COBL: variants seen among roughly 807,000 people sequenced by gnomAD.
COBL encodes the protein cordon-bleu WH2 repeat protein.
A neutral mutation model predicts 98.8 loss-of-function variants in COBL; 51 were observed. The observed-to-expected ratio is 0.52, with a 90% CI of 0.41 to 0.65. COBL has a LOEUF of 0.65. Among genes scored for constraint, COBL ranks in the 30% least tolerant of loss-of-function variants. The pLI is 0.00. For synonymous variants in COBL, 634 were observed against 651.7 expected (o/e 0.97, Z 0.41); for missense variants, 1,617 against 1,617.5 (o/e 1.00, Z 0.01).
chr7:51,139,599 C>A (rs1799549849), intron 5 of COBL, among the ~76,000 whole-genome samples: 1 of 152,232 alleles, frequency 6.6e-6, no homozygotes, highest in Admixed American at 6.5e-5. Flanking sequence ...ACCAGACCCT[C>A]TTCTCAGTTC....
chr7:51,126,307 A>T (rs911648311), intron 6 of COBL, among the ~76,000 whole-genome samples: 2 of 152,086 alleles, frequency 1.3e-5, no homozygotes, highest in African/African-American at 2.4e-5. Context: ...CAGCCTGGGC[A>T]ACAGAGCGAG....
intron 6 of COBL, among the ~76,000 whole-genome samples, chr7:51,088,005 C>A (rs1401877882): frequency 1.3e-5 from 2 of 152,050 alleles, no homozygotes; most frequent in Non-Finnish European, 2.9e-5. Flanking sequence ...TAGTTTGGAA[C>A]TGTTCAGCTG....
Position 51,164,531 on chromosome 7 carries a change from T to C in COBL, c.783+19571A>G, listed in dbSNP as rs369339546. ...ATAGTATATTCGGCGAAAATATCCT[T>C]CGGACATAAAGGAGAAATAAAGACT... On this transcript the variant is annotated intron_variant, in intron 5 of 12. Transcript: ENST00000265136. Among the ~76,000 whole-genome samples the C allele has an allele frequency of 3.4e-4, 52 of 152,272 alleles. No homozygotes were observed. In the East Asian group the frequency reaches 8.7e-3, roughly 25 times the overall value.
chr7:51,310,445 G>A (rs971947386), intron 1 of COBL, among the ~76,000 whole-genome samples: 2 of 152,184 alleles, frequency 1.3e-5, no homozygotes, highest in African/African-American at 4.8e-5. Context: ...TAACAAATAA[G>A]CAGAGGGCAT....
rs1334933832 is a variant in COBL at position 51,028,302 on chromosome 7, G to C, written c.2794C>G (p.Pro932Ala). ...TQGWKDGAQW[P>A]CVTPPNNHGE... is the part of the protein sequence containing the mutation. ...TGGTTGTTGGGAGGAGTGACACAGG[G>C]CCACTGGGCACCATCCTTCCATCCT... Residue 932 changes from proline to alanine, a missense_variant, in exon 10 of 13, where the codon CCC becomes GCC. Pro to Ala is a conservative substitution (Grantham distance 27). Around this residue, in one of 3 missense-constraint regions of COBL, gnomAD observed 1,304 missense variants for 1,282.0 expected, o/e 1.02. Transcript: ENST00000265136. The C allele has an allele frequency of 1.2e-6, 2 of 1,614,222 alleles. No individual in the cohort carries two copies. The highest frequency in any genetic ancestry group is 1.7e-6 in the Non-Finnish European group (2 of 1,180,036).
chr7:51,043,317 A>G, intron 8 of COBL, 66 bp downstream of exon 8: 1 of 1,500,328 alleles, frequency 6.7e-7, no homozygotes, highest in Non-Finnish European at 9.1e-7. Context: ...CCATGACAAA[A>G]GACCCTCTTT....
chr7:51,103,189 T>C (rs1795961537), intron 6 of COBL, among the ~76,000 whole-genome samples: 1 of 152,204 alleles, frequency 6.6e-6, no homozygotes, highest in Non-Finnish European at 1.5e-5. Context: ...TCAATGACCA[T>C]GCTTGTTTTT....
At chr7:51,159,955 C>T (rs1276757552) in intron 5 of COBL, among the ~76,000 whole-genome samples, 1 of 152,228 alleles carries the variant, frequency 6.6e-6, no homozygotes, top group Admixed American at 6.5e-5. Flanking sequence ...TGCAATGGCA[C>T]GATCTCAGCT....
At chr7:51,190,632 A>G (rs909854910) in intron 4 of COBL, among the ~76,000 whole-genome samples, 5 of 152,160 alleles carry the variant, frequency 3.3e-5, no homozygotes, top group African/African-American at 1.2e-4. Flanking sequence ...GATAAAGGAC[A>G]TGTTCAGGGC....
chr7:51,050,924 T>A (rs1324286322), intron 7 of COBL, among the ~76,000 whole-genome samples: 1 of 152,244 alleles, frequency 6.6e-6, no homozygotes, highest in Non-Finnish European at 1.5e-5. Flanking sequence ...CATATATCTA[T>A]GTAACATTAT....
chr7:51,145,911 T>G (rs1321079522), intron 5 of COBL, among the ~76,000 whole-genome samples: 1 of 152,192 alleles, frequency 6.6e-6, no homozygotes. Flanking sequence ...TCTTTCCGTT[T>G]GTTTACTCCC....
At chr7:51,059,063 G>C (rs1292840658) in intron 7 of COBL, among the ~76,000 whole-genome samples, 4 of 152,192 alleles carry the variant, frequency 2.6e-5, no homozygotes, top group Non-Finnish European at 5.9e-5. Context: ...ATGGGATGGG[G>C]GCCAGTCCAG....
chr7:51,128,506 C>T (rs750317473), intron 6 of COBL, among the ~76,000 whole-genome samples: 8 of 140,394 alleles, frequency 5.7e-5, no homozygotes, highest in Non-Finnish European at 1.1e-4. Context: ...AAACACAGAG[C>T]GGGGAGGGGA....
chr7:51,092,075 A>C (rs1794862878), intron 6 of COBL, among the ~76,000 whole-genome samples: 1 of 152,242 alleles, frequency 6.6e-6, no homozygotes, highest in African/African-American at 2.4e-5. Context: ...GCTCTGCCTC[A>C]CATCACATGA....
chr7:51,260,004 G>A lies in COBL; in HGVS notation c.42-40060C>T, dbSNP rs917202106. On this transcript the variant is annotated intron_variant, in intron 1 of 12. Transcript: ENST00000265136. ...GTTTCTGCCACCAGGAATCATATAG[G>A]AATGATTCCAGTCGTTTAACTTGAG... 13 of 760,262 alleles carry A rather than the reference G, an allele frequency of 1.7e-5. No individual in the cohort carries two copies. The Middle Eastern group carries it at 1.1e-3, about 63-fold the overall frequency. 47.1% of individuals were successfully genotyped at this position (760,262 alleles called of 1,614,324 possible).
chr7:51,079,550 T>C (rs1406901247), intron 7 of COBL, among the ~76,000 whole-genome samples: 9 of 152,224 alleles, frequency 5.9e-5, no homozygotes, highest in Admixed American at 5.2e-4. Flanking sequence ...AGGAGGCACA[T>C]AACAGGTGTG....
rs534592176 is a variant in COBL, at chr7:51,230,525, C to G, written c.42-10581G>C. ...ACTTCCTGCTGGCCCCTTCCCACCA[C>G]CCCTGCTCCACTGCTGCTCGGGGCA... On this transcript the variant is annotated intron_variant, in intron 1 of 12. Transcript: ENST00000265136. 2.6e-5 allele frequency among the ~76,000 whole-genome samples: 4 copies of G among 152,272 alleles called. No homozygotes were observed. In the South Asian group the frequency reaches 8.3e-4, roughly 32 times the overall value.
At chr7:51,210,099 G>A (rs1792268687) in intron 2 of COBL, among the ~76,000 whole-genome samples, 1 of 152,184 alleles carries the variant, frequency 6.6e-6, no homozygotes, top group Admixed American at 6.5e-5. Flanking sequence ...CACCTTGTGT[G>A]CCAAATGGAT....
chr7:51,310,806 G>A (rs1802956228), intron 1 of COBL, among the ~76,000 whole-genome samples: 1 of 152,114 alleles, frequency 6.6e-6, no homozygotes, highest in Non-Finnish European at 1.5e-5. Flanking sequence ...CTACAGGCAT[G>A]TGCCACCAGC....
Sources: allele counts gnomAD v4.1 joint callset (sites outside exome capture counted in the v4.1 genomes callset), GRCh38; gene constraint gnomAD v4.1.1; regional missense constraint gnomAD v4.1.1; transcripts MANE v1.5; gene names NCBI Gene and HGNC (gene_info 2026-07-23, HGNC 2026-07-21).